Variants in PRKN observed in about 807,000 individuals in gnomAD.
PRKN encodes the protein E3 ubiquitin-protein ligase parkin.
A neutral mutation model predicts 59.5 loss-of-function variants in PRKN; 56 were observed. The ratio of observed to expected loss-of-function variants is 0.94; its 90% CI spans 0.76 to 1.18. The LOEUF is 1.18. Ranked by LOEUF, PRKN falls within the 50% of genes most tolerant of loss-of-function variation. The pLI is 0.00. For synonymous variants in PRKN, 250 were observed against 222.1 expected (o/e 1.13, Z -1.12); for missense variants, 657 against 596.4 (o/e 1.10, Z -1.06).
chr6:162,220,115 G>T (rs1206866257), intron 3 of PRKN, among the ~76,000 whole-genome samples: 1 of 151,964 alleles, frequency 6.6e-6, no homozygotes, highest in East Asian at 1.9e-4. Context: ...CCATCTTGGA[G>T]TTCATTTTTC....
chr6:162,241,423 A>G (rs1038976993), intron 3 of PRKN, among the ~76,000 whole-genome samples: 3 of 152,082 alleles, frequency 2.0e-5, no homozygotes, highest in African/African-American at 7.2e-5. Flanking sequence ...CAATTGAGTA[A>G]AGTGTAATGA....
chr6:161,847,562 T>C (rs1337011559), intron 6 of PRKN, among the ~76,000 whole-genome samples: 1 of 151,246 alleles, frequency 6.6e-6, no homozygotes, highest in Non-Finnish European at 1.5e-5. Flanking sequence ...CTAAGCATTT[T>C]ACCTGTACTT....
chr6:161,785,705 T>C (rs1384385693), intron 7 of PRKN, 67 bp downstream of exon 7: 50 of 1,507,228 alleles, frequency 3.3e-5, no homozygotes, highest in Non-Finnish European at 8.3e-6. Flanking sequence ...AAGCCAGTTT[T>C]ACATCAATAA....
intron 7 of PRKN, among the ~76,000 whole-genome samples, chr6:161,758,928 T>C (rs6908289): frequency 0.54 from 82,232 of 151,908 alleles, 22,280 homozygotes; most frequent in East Asian, 0.56. Context: ...CCTGTAATCC[T>C]AGCACTTTGG....
chr6:162,007,750 T>G lies in PRKN; in HGVS notation c.619-34333A>C, dbSNP rs969644002. On this transcript the variant is annotated intron_variant, in intron 5 of 11. Coordinates refer to ENST00000366898, the MANE Select transcript of PRKN (RefSeq NM_004562.3). ...AACGGCTTAGCATCTCCCAAAGGCA[T>G]GCAATATGGTTCCAAATCAATTCGA... Among the ~76,000 whole-genome samples the G allele has an allele frequency of 3.9e-5, 6 of 152,114 alleles. No individual in the cohort carries two copies. In the East Asian group the frequency reaches 1.2e-3, roughly 29 times the overall value.
chr6:162,046,067 ACT>A (rs1246187528), intron 5 of PRKN, among the ~76,000 whole-genome samples: 1 of 152,038 alleles, frequency 6.6e-6, no homozygotes, highest in African/African-American at 2.4e-5. Flanking sequence ...ATCGATATGT[ACT>A]CTCTCCTAAT....
chr6:161,742,527 G>T lies in PRKN; in HGVS notation c.871+43245C>A, dbSNP rs144664062. Among the ~76,000 whole-genome samples, 626 of 152,274 alleles carry T rather than the reference G, an allele frequency of 4.1e-3. 5 individuals carry two copies. The highest frequency in any genetic ancestry group is 0.014 in the African/African-American group (594 of 41,542). On this transcript the variant is annotated intron_variant, in intron 7 of 11. Coordinates refer to ENST00000366898, the MANE Select transcript of PRKN (RefSeq NM_004562.3). ...TTTCAAAACAATATTTTAGTCATCT[G>T]CCCTGAAACACCTCCAGGGTCTTCC...
chr6:162,471,074 T>G, intron 1 of PRKN, among the ~76,000 whole-genome samples: 1 of 75,408 alleles, frequency 1.3e-5, no homozygotes, highest in South Asian at 4.9e-4. Context: ...ACTCTATTTT[T>G]TATTTATTTA....
chr6:162,612,634 C>A (rs1338186531), intron 1 of PRKN, among the ~76,000 whole-genome samples: 2 of 150,400 alleles, frequency 1.3e-5, no homozygotes, highest in Non-Finnish European at 1.5e-5. Flanking sequence ...AAAAACAAAA[C>A]CAAACCAAAA....
chr6:162,546,690 C>T (rs1357699704), intron 1 of PRKN, among the ~76,000 whole-genome samples: 5 of 151,992 alleles, frequency 3.3e-5, no homozygotes, highest in African/African-American at 1.2e-4. Context: ...GTGATCCACC[C>T]TCCTCGGCCT....
rs2115185791 is a variant in PRKN at position 161,468,748 on chromosome 6, T to A, written c.1083+80106A>T. 6.6e-6 allele frequency among the ~76,000 whole-genome samples: 1 copy of A among 152,288 alleles called. No individual in the cohort carries two copies. The highest frequency in any genetic ancestry group is 1.9e-4 in the East Asian group (1 of 5,166). ...TCCAGCCTCAGAGGACTTGGGTATG[T>A]TCTTCTCAAGGACAGGAAAGTCATG... is the stretch of plus-strand genomic sequence containing the variant. On this transcript the variant is annotated intron_variant, in intron 9 of 11. Transcript: ENST00000366898. The surrounding 1 kb of genome is among the most constrained non-coding windows in gnomAD (Gnocchi z 5.9).
At chr6:162,075,412 G>T (rs1041627398) in intron 4 of PRKN, among the ~76,000 whole-genome samples, 3 of 151,310 alleles carry the variant, frequency 2.0e-5, no homozygotes, top group Non-Finnish European at 4.4e-5. Context: ...TCACATTTTG[G>T]TGTGTAGTAT....
At chr6:162,039,108 A>G (rs1783960776) in intron 5 of PRKN, among the ~76,000 whole-genome samples, 1 of 151,936 alleles carries the variant, frequency 6.6e-6, no homozygotes. Context: ...GTGAGCAGAG[A>G]TCGCGCCACT....
chr6:162,030,533 C>A (rs1329840718), intron 5 of PRKN, among the ~76,000 whole-genome samples: 2 of 152,194 alleles, frequency 1.3e-5, no homozygotes, highest in Admixed American at 1.3e-4. Flanking sequence ...TGTACAGTTA[C>A]AAGCCTTCCT....
rs747614001 is a variant in PRKN at position 161,552,710 on chromosome 6, C to T, written c.934-3707G>A. ...CCAAGACACAGAACTTTACCAGGTCCGCCTGAAGCCCTCCATGTATCTATT... is the reference window on the plus strand; with the variant it reads ...CCAAGACACAGAACTTTACCAGGTCTGCCTGAAGCCCTCCATGTATCTATT... On this transcript the variant is annotated intron_variant, in intron 8 of 11. Transcript: ENST00000366898. The surrounding 1 kb of genome is among the most constrained non-coding windows in gnomAD (Gnocchi z 4.9). Among the ~76,000 whole-genome samples, 19 of 152,046 alleles carry T rather than the reference C, an allele frequency of 1.2e-4. No homozygotes were observed. Among genetic ancestry groups the T allele is most frequent in the Non-Finnish European group, 2.5e-4 (17 of 67,994 alleles).
In PRKN at chr6:161,363,297, T is replaced by C. The variant is rs1393298214; in HGVS notation, c.1168-3092A>G. ...TGTTTGTTATATTTAAATAAATAAA[T>C]AAAGGTGATGATAATGGAATAAGAG... On this transcript the variant is annotated intron_variant, in intron 10 of 11. Transcript: ENST00000366898. This position sits in a 1 kb window ranked among gnomAD's most constrained non-coding sequence, Gnocchi z 4.1. Among the ~76,000 whole-genome samples the C allele has an allele frequency of 6.6e-6, 1 of 152,004 alleles. No individual in the cohort carries two copies. Among genetic ancestry groups the C allele is most frequent in the African/African-American group, 2.4e-5 (1 of 41,370 alleles).
intron 4 of PRKN, among the ~76,000 whole-genome samples, chr6:162,135,771 G>A (rs748084555): frequency 2.4e-4 from 37 of 151,840 alleles, no homozygotes; most frequent in Non-Finnish European, 4.4e-4. Context: ...GGAGGGGAGG[G>A]GCCATTTTCA....
intron 6 of PRKN, among the ~76,000 whole-genome samples, chr6:161,899,971 A>C (rs1304978921): frequency 1.3e-5 from 2 of 151,908 alleles, no homozygotes; most frequent in Admixed American, 6.6e-5. Flanking sequence ...GAAATACAAA[A>C]ATTAGCTGGG....
Position 162,029,697 on chromosome 6 carries a change from A to G in PRKN, c.618+24394T>C, listed in dbSNP as rs187409093. 2.0e-5 allele frequency among the ~76,000 whole-genome samples: 3 copies of G among 152,208 alleles called. No homozygotes were observed. The East Asian group carries it at 5.8e-4, about 30-fold the overall frequency. ...TTCCCACTAAACGCCATAACTTTGT[A>G]TTTGCTTAATTGTCCTGGATTATCT... On this transcript the variant is annotated intron_variant, in intron 5 of 11. Coordinates refer to ENST00000366898, the MANE Select transcript of PRKN (RefSeq NM_004562.3).
Sources: gnomAD v4.1 joint callset for allele counts (sites outside exome capture counted in the v4.1 genomes callset) on GRCh38, gnomAD v4.1.1 for gene constraint, Gnocchi (gnomAD v3.1) non-coding constraint, MANE v1.5 for transcripts, NCBI Gene and HGNC (gene_info 2026-07-23, HGNC 2026-07-21) for gene names.